SPIDR: variants seen among roughly 807,000 people sequenced by gnomAD.
SPIDR encodes the protein DNA repair-scaffolding protein.
SPIDR carries 93 observed loss-of-function variants against 104.6 expected under a neutral mutation model. The observed-to-expected ratio is 0.89, with a 90% CI of 0.75 to 1.06. The LOEUF (loss-of-function observed/expected upper bound fraction) is 1.06. Ranked by LOEUF, SPIDR falls within the 50% of genes least tolerant of loss-of-function variation. The probability of loss-of-function intolerance (pLI) is 0.00; values close to 1 mark genes in which losing one functional copy is unlikely to be tolerated. For missense variants in SPIDR, 1,154 were observed against 1,111.2 expected, an observed-to-expected ratio of 1.04 and a Z score of -0.55; for synonymous variants, 431 against 416.9, an observed-to-expected ratio of 1.03 and a Z score of -0.41.
intron 7 of SPIDR, among the ~76,000 whole-genome samples, chr8:47,418,062 C>T (rs28784984): frequency 2.6e-4 from 40 of 152,236 alleles, no homozygotes; most frequent in East Asian, 1.5e-3. Flanking sequence ...TAGCGTGATG[C>T]CTCCAGCTTT....
intron 11 of SPIDR, among the ~76,000 whole-genome samples, chr8:47,693,439 G>C (rs2154480213): frequency 6.6e-6 from 1 of 152,356 alleles, no homozygotes; most frequent in Non-Finnish European, 1.5e-5. Flanking sequence ...ATATGTGACA[G>C]GTGCCGGCAT....
chr8:47,616,719 CAG>C (rs1222070980), intron 10 of SPIDR, among the ~76,000 whole-genome samples: 4 of 152,310 alleles, frequency 2.6e-5, no homozygotes, highest in South Asian at 2.1e-4. Flanking sequence ...TTCCCAAATA[CAG>C]AGTGTTCCCA....
chr8:47,698,551 T>A (rs2079676059), intron 11 of SPIDR, among the ~76,000 whole-genome samples: 1 of 152,266 alleles, frequency 6.6e-6, no homozygotes, highest in Non-Finnish European at 1.5e-5. Context: ...ATTCTTCAGC[T>A]AAGCATTGTG....
At chr8:47,678,606 G>A (rs1356892827) in intron 11 of SPIDR, among the ~76,000 whole-genome samples, 2 of 152,192 alleles carry the variant, frequency 1.3e-5, no homozygotes, top group Non-Finnish European at 2.9e-5. Context: ...TGGAGGGGGT[G>A]CAGAGGGTGG....
intron 7 of SPIDR, among the ~76,000 whole-genome samples, chr8:47,435,125 C>T (rs1457633801): frequency 6.6e-6 from 1 of 152,090 alleles, no homozygotes; most frequent in African/African-American, 2.4e-5. Flanking sequence ...TCTCAAGTAG[C>T]TGAAACTACA....
intron 10 of SPIDR, among the ~76,000 whole-genome samples, chr8:47,618,060 A>G (rs2064584340): frequency 6.6e-6 from 1 of 152,224 alleles, no homozygotes; most frequent in Non-Finnish European, 1.5e-5. Context: ...AGTGCACTGC[A>G]GAGGTTTAAT....
At chr8:47,684,126 C>CAAAA (rs748328609) in intron 11 of SPIDR, among the ~76,000 whole-genome samples, 48 of 38,080 alleles carry the variant, frequency 1.3e-3, no homozygotes, top group Non-Finnish European at 1.5e-3. Flanking sequence ...GACTCTGTCT[C>CAAAA]AAAAAAAAAA....
intron 8 of SPIDR, among the ~76,000 whole-genome samples, chr8:47,459,045 A>C (rs1179878726): frequency 6.6e-6 from 1 of 152,024 alleles, no homozygotes; most frequent in African/African-American, 2.4e-5. Context: ...GTTAGCTAGT[A>C]TTTTGTTAAG....
At chr8:47,416,346 G>A (rs1333413161) in intron 7 of SPIDR, among the ~76,000 whole-genome samples, 1 of 152,146 alleles carries the variant, frequency 6.6e-6, no homozygotes, top group African/African-American at 2.4e-5. Context: ...CCAAGTTGTT[G>A]TGTATGTCAA....
intron 10 of SPIDR, among the ~76,000 whole-genome samples, chr8:47,668,784 A>G (rs1589021956): frequency 6.6e-6 from 1 of 152,362 alleles, no homozygotes; most frequent in South Asian, 2.1e-4. Flanking sequence ...TTCAATATAC[A>G]AGGCCATTGT....
intron 5 of SPIDR, among the ~76,000 whole-genome samples, chr8:47,322,969 A>C (rs959506302): frequency 6.6e-6 from 1 of 152,148 alleles, no homozygotes; most frequent in Non-Finnish European, 1.5e-5. Flanking sequence ...GGATAGCATT[A>C]GGAGGTATAC....
intron 8 of SPIDR, among the ~76,000 whole-genome samples, chr8:47,589,425 G>A (rs2060720983): frequency 6.6e-6 from 1 of 151,932 alleles, no homozygotes; most frequent in South Asian, 2.1e-4. Flanking sequence ...GGGAGGCTGA[G>A]GCAGGAGAAT....
At chr8:47,600,601 G>T (rs2062149798) in intron 10 of SPIDR, among the ~76,000 whole-genome samples, 2 of 152,106 alleles carry the variant, frequency 1.3e-5, no homozygotes, top group Admixed American at 1.3e-4. Context: ...CAGTTTTAAG[G>T]TATTTATCAT....
intron 3 of SPIDR, among the ~76,000 whole-genome samples, chr8:47,287,257 G>A (rs2039022570): frequency 6.6e-6 from 1 of 151,364 alleles, no homozygotes; most frequent in South Asian, 2.1e-4. Flanking sequence ...AAAGGGCAAA[G>A]CAAAGATCAC....
At chr8:47,285,232 TC>T (rs2038610185) in intron 3 of SPIDR, among the ~76,000 whole-genome samples, 1 of 152,174 alleles carries the variant, frequency 6.6e-6, no homozygotes, top group African/African-American at 2.4e-5. Flanking sequence ...TGAACTAACT[TC>T]CTGTGACATT....
In SPIDR at chr8:47,599,041, T is replaced by G; in HGVS notation, c.1389T>G (p.Asp463Glu). The change falls in exon 10 of 20, where the codon GAT (aspartate) becomes GAG (glutamate). Residue 463 changes from aspartate (D) to glutamate (E), a missense_variant. By Grantham distance (45) the Asp-to-Glu change is conservative. Coordinates refer to ENST00000297423, the MANE Select transcript of SPIDR (RefSeq NM_001080394.4). The stretch of plus-strand genomic sequence containing the variant: ...TCCCAACCAGCACTCCCCTGAGGGA[T>G]TCTCTCCTGGATGTGGTGGAAAGCC... ...QRIPTSTPLR[D>E]SLLDVVESQG... The G allele has an allele frequency of 6.2e-7, 1 of 1,613,134 alleles. No homozygotes were observed. The highest frequency in any genetic ancestry group is 8.5e-7 in the Non-Finnish European group (1 of 1,179,540).
At position 47,260,939 on chromosome 8, in the gene SPIDR, C is replaced by T. The variant is rs899984019; in HGVS notation, c.-20C>T. On this transcript the variant is annotated 5_prime_UTR_variant, in exon 1 of 20. Transcript: ENST00000297423. ...GGCGGCGCGCTGAGGAGGCGGTGCG[C>T]TCAGGCGGCGCTCCCGGAGATGCCC... 7.3e-6 allele frequency: 9 copies of T among 1,227,560 alleles called. No individual in the cohort carries two copies. The South Asian group carries it at 1.6e-4, about 21-fold the overall frequency. The allele number at this position is 1,227,560 out of a possible 1,614,324, so 76.0% of individuals were successfully genotyped here. A position where few individuals can be genotyped will look rare whatever the true frequency, so the allele number is the denominator to read the frequency against.
chr8:47,372,452 C>A (rs1037505047), intron 5 of SPIDR, among the ~76,000 whole-genome samples: 1 of 151,996 alleles, frequency 6.6e-6, no homozygotes, highest in Non-Finnish European at 1.5e-5. Context: ...TGGTGAAACC[C>A]CATCTCTACT....
chr8:47,293,674 C>T (rs2040340042), intron 4 of SPIDR, among the ~76,000 whole-genome samples, 193 bp from the exon 5 acceptor site: 1 of 152,118 alleles, frequency 6.6e-6, no homozygotes, highest in Admixed American at 6.6e-5. Flanking sequence ...TCTTGAACTG[C>T]TGAGTTTTGG....
Sources: gnomAD v4.1 joint callset for allele counts (sites outside exome capture counted in the v4.1 genomes callset) on GRCh38, gnomAD v4.1.1 for gene constraint, MANE v1.5 for transcripts, NCBI Gene and HGNC (gene_info 2026-07-23, HGNC 2026-07-21) for gene names.